Variants in CADPS2 observed in about 807,000 individuals in gnomAD.
The protein encoded by CADPS2 is calcium-dependent secretion activator 2.
CADPS2 carries 93 observed loss-of-function variants against 172.5 expected under a neutral mutation model. The ratio of observed to expected loss-of-function variants is 0.54; its 90% CI spans 0.46 to 0.64. CADPS2 has a LOEUF of 0.64. Ranked by LOEUF, CADPS2 falls within the 30% of genes least tolerant of loss-of-function variation. The pLI is 0.00. For synonymous variants in CADPS2, 546 were observed against 555.2 expected (o/e 0.98, Z 0.23); for missense variants, 1,420 against 1,565.9 (o/e 0.91, Z 1.57).
At chr7:122,487,972 T>C (rs1301576250) in intron 11 of CADPS2, among the ~76,000 whole-genome samples, 1 of 152,162 alleles carries the variant, frequency 6.6e-6, no homozygotes, top group Non-Finnish European at 1.5e-5. Flanking sequence ...AAACCATTTA[T>C]GAGATTGACG....
chr7:122,416,886 T>A (rs2047986800), intron 17 of CADPS2, among the ~76,000 whole-genome samples: 1 of 152,182 alleles, frequency 6.6e-6, no homozygotes. Context: ...TTTCTAAGAT[T>A]CAACAAGCTG....
intron 9 of CADPS2, among the ~76,000 whole-genome samples, chr7:122,507,708 T>C (rs1341251166): frequency 6.6e-6 from 1 of 152,200 alleles, no homozygotes; most frequent in Non-Finnish European, 1.5e-5. Context: ...AAGAACCTAT[T>C]GTTAAGAACG....
intron 15 of CADPS2, among the ~76,000 whole-genome samples, chr7:122,448,700 C>T (rs1329247275): frequency 6.6e-6 from 1 of 152,122 alleles, no homozygotes; most frequent in Non-Finnish European, 1.5e-5. Context: ...ATGTCAGTGA[C>T]TGATTGAGGC....
intron 6 of CADPS2, among the ~76,000 whole-genome samples, chr7:122,586,359 T>C (rs1024498569): frequency 2.6e-5 from 4 of 151,994 alleles, no homozygotes; most frequent in Non-Finnish European, 2.9e-5. Flanking sequence ...TATATTTCCA[T>C]GGTCTCTTAC....
chr7:122,382,492 T>C (rs1040230836), intron 24 of CADPS2, among the ~76,000 whole-genome samples: 14 of 152,124 alleles, frequency 9.2e-5, no homozygotes, highest in African/African-American at 3.4e-4. Context: ...TTTTTAGAAA[T>C]TTTCAGATAA....
At chr7:122,364,482 T>C (rs1055987784) in intron 25 of CADPS2, among the ~76,000 whole-genome samples, 2 of 148,174 alleles carry the variant, frequency 1.3e-5, no homozygotes, top group East Asian at 3.9e-4. Flanking sequence ...ATCCCAGCAC[T>C]TTGGGAGGCT....
intron 6 of CADPS2, among the ~76,000 whole-genome samples, chr7:122,603,261 C>T (rs996693315): frequency 8.6e-5 from 13 of 150,838 alleles, no homozygotes; most frequent in African/African-American, 3.2e-4. Context: ...ACAATACAAA[C>T]ACCCAAGCCA....
At position 122,617,019 on chromosome 7, in the gene CADPS2, C is replaced by T. The variant is rs114879674; in HGVS notation, c.1105-1720G>A. Among the ~76,000 whole-genome samples, 590 of 152,246 alleles carry T rather than the reference C, an allele frequency of 3.9e-3. 5 individuals carry two copies. The highest frequency in any genetic ancestry group is 0.014 in the African/African-American group (563 of 41,570). On this transcript the variant is annotated intron_variant, in intron 5 of 29. Transcript: ENST00000449022. ...AGCACAAATCTAGAAATCGTAAGAGCATTGCTTCATATTTCAGAATATTAT... is the reference window on the plus strand; with the variant it reads ...AGCACAAATCTAGAAATCGTAAGAGTATTGCTTCATATTTCAGAATATTAT...
At chr7:122,562,764 C>G (rs1252897593) in intron 7 of CADPS2, among the ~76,000 whole-genome samples, 2 of 151,990 alleles carry the variant, frequency 1.3e-5, no homozygotes, top group Non-Finnish European at 2.9e-5. Flanking sequence ...TTTGTGTGTG[C>G]TTATATCTTG....
intron 2 of CADPS2, among the ~76,000 whole-genome samples, chr7:122,717,970 T>G (rs1189366914): frequency 7.4e-6 from 1 of 135,494 alleles, no homozygotes; most frequent in Non-Finnish European, 1.5e-5. Context: ...TCCACCACAC[T>G]CGGCTAATTT....
intron 2 of CADPS2, among the ~76,000 whole-genome samples, chr7:122,675,857 A>C (rs1346930660): frequency 6.6e-6 from 1 of 152,116 alleles, no homozygotes; most frequent in Admixed American, 6.5e-5. Context: ...GGATTAGGAC[A>C]AACACCCAAT....
chr7:122,621,752 A>G (rs1563881582), intron 4 of CADPS2, 35 bp from the exon 5 acceptor site: 2 of 1,188,076 alleles, frequency 1.7e-6, no homozygotes, highest in Non-Finnish European at 2.4e-6. Context: ...AGTGTTACAT[A>G]AGTCATATTT....
At chr7:122,339,997 T>C (rs773080742) in intron 28 of CADPS2, among the ~76,000 whole-genome samples, 2 of 152,230 alleles carry the variant, frequency 1.3e-5, no homozygotes, top group African/African-American at 2.4e-5. Flanking sequence ...CATTCACTTA[T>C]AATATTTTCA....
At position 122,655,567 on chromosome 7, in the gene CADPS2, C is replaced by T. The variant is rs2079647944; in HGVS notation, c.786+7670G>A. Among the ~76,000 whole-genome samples, 2 of 151,914 alleles carry T rather than the reference C, an allele frequency of 1.3e-5. 1 individual carries two copies. The highest frequency in any genetic ancestry group is 4.1e-4 in the South Asian group (2 of 4,822). ...ATTCTATTATACCCCTAATAGACCACAGTACAGTAAAACATAAATTTTATA... is the reference window on the plus strand; with the variant it reads ...ATTCTATTATACCCCTAATAGACCATAGTACAGTAAAACATAAATTTTATA... On this transcript the variant is annotated intron_variant, in intron 3 of 29. Coordinates refer to ENST00000449022, the MANE Select transcript of CADPS2 (RefSeq NM_017954.11).
intron 7 of CADPS2, among the ~76,000 whole-genome samples, chr7:122,565,730 T>C (rs372039624): frequency 6.6e-6 from 1 of 152,318 alleles, no homozygotes; most frequent in Non-Finnish European, 1.5e-5. Flanking sequence ...AAATTATACA[T>C]ATTTACACTA....
At chr7:122,334,271 C>T (rs1016792188) in intron 28 of CADPS2, among the ~76,000 whole-genome samples, 4 of 152,138 alleles carry the variant, frequency 2.6e-5, no homozygotes, top group African/African-American at 9.7e-5. Context: ...GTACTCAGCC[C>T]TCCAGAGGCT....
At chr7:122,648,987 G>T (rs2078855057) in intron 3 of CADPS2, among the ~76,000 whole-genome samples, 1 of 152,040 alleles carries the variant, frequency 6.6e-6, no homozygotes, top group South Asian at 2.1e-4. Flanking sequence ...GAGGCTACCT[G>T]CAATTCATTC....
At position 122,657,253 on chromosome 7, in the gene CADPS2, G is replaced by T. The variant is rs576165646; in HGVS notation, c.786+5984C>A. Among the ~76,000 whole-genome samples, 1,052 of 152,268 alleles carry T rather than the reference G, an allele frequency of 6.9e-3. 7 individuals are homozygous for T. Among genetic ancestry groups the T allele is most frequent in the Non-Finnish European group, 0.011 (728 of 68,016 alleles). On this transcript the variant is annotated intron_variant, in intron 3 of 29. Transcript: ENST00000449022. Reference sequence around the variant, plus strand: ...GAAATCAGGTAGCGTGATGCCTCCAGCTTTGTTCTTTTGGCTTAGGATTGT... The same window carrying T: ...GAAATCAGGTAGCGTGATGCCTCCATCTTTGTTCTTTTGGCTTAGGATTGT...
chr7:122,645,465 GTA>G (rs2078340564), intron 3 of CADPS2, among the ~76,000 whole-genome samples: 1 of 86,462 alleles, frequency 1.2e-5, no homozygotes, highest in Non-Finnish European at 2.4e-5. Flanking sequence ...GTATATATGT[GTA>G]TATATGTATA....
Sources: gnomAD v4.1 joint callset for allele counts (sites outside exome capture counted in the v4.1 genomes callset) on GRCh38, gnomAD v4.1.1 for gene constraint, MANE v1.5 for transcripts, NCBI Gene and HGNC (gene_info 2026-07-23, HGNC 2026-07-21) for gene names.